The following CHN2 variants were observed in gnomAD, a reference collection of about 807,000 sequenced individuals.
The protein encoded by CHN2 is chimerin 2.
In CHN2, 35 loss-of-function variants were observed where a neutral mutation model predicts 56.3. The observed-to-expected ratio is 0.62, with a 90% CI of 0.47 to 0.82. The LOEUF is 0.82. Ranked by LOEUF, CHN2 falls within the 40% of genes least tolerant of loss-of-function variation. The pLI, the probability that CHN2 is intolerant of heterozygous loss-of-function variation, is 0.00. For missense variants in CHN2, 491 were observed against 580.5 expected, an observed-to-expected ratio of 0.85 and a Z score of 1.58; for synonymous variants, 210 against 212.8, an observed-to-expected ratio of 0.99 and a Z score of 0.12.
At chr7:29,490,613 T>C (rs1484069698) in intron 7 of CHN2, among the ~76,000 whole-genome samples, 6 of 152,192 alleles carry the variant, frequency 3.9e-5, no homozygotes, top group African/African-American at 1.4e-4. Flanking sequence ...TAGGATATAA[T>C]TCATCTGTCT....
intron 1 of CHN2, among the ~76,000 whole-genome samples, chr7:29,227,013 C>T (rs978519670): frequency 6.6e-6 from 1 of 152,148 alleles, no homozygotes; most frequent in Non-Finnish European, 1.5e-5. Context: ...ATAAATGGTC[C>T]CTGACCTCAA....
chr7:29,169,884 A>G (rs932542379), intron 2 of CHN2, among the ~76,000 whole-genome samples: 1 of 140,756 alleles, frequency 7.1e-6, no homozygotes, highest in Non-Finnish European at 1.5e-5. Context: ...GTGTGTGTAT[A>G]TATATATGTA....
intron 6 of CHN2, among the ~76,000 whole-genome samples, chr7:29,449,719 T>A (rs1038142144): frequency 5.3e-5 from 8 of 152,226 alleles, no homozygotes; most frequent in Non-Finnish European, 1.0e-4. Context: ...GTGATTGACA[T>A]TATAGTGGTT....
chr7:29,212,333 G>C (rs1236132285), intron 1 of CHN2: 9 of 1,409,230 alleles, frequency 6.4e-6, no homozygotes, highest in Non-Finnish European at 8.0e-6. Context: ...TGCAAAGCTT[G>C]CCTTGCTTCG....
At chr7:29,174,873 A>G (rs921534863) in intron 2 of CHN2, among the ~76,000 whole-genome samples, 6 of 152,152 alleles carry the variant, frequency 3.9e-5, no homozygotes, top group African/African-American at 1.4e-4. Context: ...AAAAAAAAAA[A>G]AAAGAATTTT....
chr7:29,472,287 A>ACG (rs1786149422), intron 6 of CHN2, among the ~76,000 whole-genome samples: 1 of 150,232 alleles, frequency 6.7e-6, no homozygotes, highest in Non-Finnish European at 1.5e-5. Context: ...ACACACACAC[A>ACG]CACACACACA....
chr7:29,443,959 A>G (rs1190698159), intron 6 of CHN2, among the ~76,000 whole-genome samples: 1 of 152,214 alleles, frequency 6.6e-6, no homozygotes, highest in Non-Finnish European at 1.5e-5. Flanking sequence ...CTACCATTAT[A>G]TTATGGTTCC....
rs528798214 is a variant in CHN2 at position 29,393,543 on chromosome 7, A to G, written c.145-136A>G. On this transcript the variant is annotated intron_variant, in intron 3 of 12. Transcript: ENST00000222792. ...GTGCTGATTATAACTCCATAGCTTC[A>G]TGGATCTCTGATTTGGAGGATACAA... 2.0e-4 allele frequency: 87 copies of G among 429,928 alleles called. 1 individual carries two copies. The highest frequency in any genetic ancestry group is 1.9e-3 in the South Asian group (79 of 42,630). The allele number at this position is 429,928 out of a possible 1,614,324, so 26.6% of individuals were successfully genotyped here.
chr7:29,156,931 A>G (rs917834213), intron 2 of CHN2, among the ~76,000 whole-genome samples: 1 of 152,172 alleles, frequency 6.6e-6, no homozygotes, highest in Non-Finnish European at 1.5e-5. Context: ...TAACACAAGA[A>G]AAGACATCTA....
chr7:29,298,981 G>C (rs1239578671), intron 1 of CHN2, among the ~76,000 whole-genome samples: 1 of 152,134 alleles, frequency 6.6e-6, no homozygotes, highest in East Asian at 1.9e-4. Context: ...TTTTTACCAA[G>C]GCCTCTTATT....
At chr7:29,374,886 TCTCTTTC>T in intron 3 of CHN2, among the ~76,000 whole-genome samples, 1 of 148,718 alleles carries the variant, frequency 6.7e-6, no homozygotes, top group African/African-American at 2.5e-5. Flanking sequence ...TCTCCCTTTC[TCTCTTTC>T]TTTTTTTTTT....
At chr7:29,223,704 G>A (rs1255065562) in intron 1 of CHN2, among the ~76,000 whole-genome samples, 3 of 151,860 alleles carry the variant, frequency 2.0e-5, no homozygotes, top group Non-Finnish European at 4.4e-5. Flanking sequence ...TTCCAAGTTG[G>A]GATTATTACA....
At chr7:29,179,117 A>G (rs919138712) in intron 2 of CHN2, among the ~76,000 whole-genome samples, 1 of 152,150 alleles carries the variant, frequency 6.6e-6, no homozygotes, top group Admixed American at 6.5e-5. Context: ...TACAGTCCTC[A>G]TGGACCCTTT....
intron 3 of CHN2, among the ~76,000 whole-genome samples, chr7:29,388,093 TTGTTTTCTG>T (rs769819361): frequency 1.1e-4 from 16 of 152,246 alleles, no homozygotes; most frequent in Non-Finnish European, 2.2e-4. Flanking sequence ...AAAATGAATT[TTGTTTTCTG>T]TGTAAAGTAA....
intron 4 of CHN2, chr7:29,398,062 G>A (rs879344215): frequency 1.4e-4 from 9 of 66,050 alleles, no homozygotes; most frequent in East Asian, 2.6e-4. Context: ...AAAAAAAGGG[G>A]GGGGGGGGGC....
At chr7:29,163,303 C>G (rs190752318) in intron 2 of CHN2, among the ~76,000 whole-genome samples, 4 of 151,828 alleles carry the variant, frequency 2.6e-5, no homozygotes, top group Non-Finnish European at 4.4e-5. Context: ...TAAAATACTT[C>G]GCTTATAGTT....
chr7:29,170,812 G>A (rs985585823), intron 2 of CHN2, among the ~76,000 whole-genome samples: 5 of 152,222 alleles, frequency 3.3e-5, no homozygotes, highest in African/African-American at 4.8e-5. Context: ...GGCGGAAGGC[G>A]AGGAGGAGCA....
intron 2 of CHN2, among the ~76,000 whole-genome samples, chr7:29,159,828 AATT>A (rs1172274536): frequency 6.6e-6 from 1 of 152,188 alleles, no homozygotes; most frequent in African/African-American, 2.4e-5. Flanking sequence ...GAAAACAGGA[AATT>A]ATTGTGATTT....
chr7:29,212,222 C>T (rs1192099512), intron 1 of CHN2: 15 of 682,022 alleles, frequency 2.2e-5, no homozygotes, highest in Non-Finnish European at 3.5e-5. Flanking sequence ...CTAACATCTT[C>T]CAGAAAAGTC....
Sources: allele counts gnomAD v4.1 joint callset (sites outside exome capture counted in the v4.1 genomes callset), GRCh38; gene constraint gnomAD v4.1.1; transcripts MANE v1.5; gene names NCBI Gene and HGNC (gene_info 2026-07-23, HGNC 2026-07-21).